The following MYO9A variants were observed in gnomAD, a reference collection of about 807,000 sequenced individuals.
MYO9A encodes myosin IXA.
In MYO9A, 103 loss-of-function variants were observed where a neutral mutation model predicts 293.3. The observed-to-expected ratio is 0.35, with a 90% CI of 0.30 to 0.41. The LOEUF (loss-of-function observed/expected upper bound fraction) is 0.41. MYO9A is among the 10% of genes least tolerant of loss of function. The probability of loss-of-function intolerance (pLI) is 1.00; values close to 1 mark genes in which losing one functional copy is unlikely to be tolerated. For synonymous variants in MYO9A, 1,001 were observed against 1,035.7 expected (o/e 0.97, Z 0.64); for missense variants, 2,685 against 3,033.0 (o/e 0.89, Z 2.69).
At chr15:71,860,614 C>T (rs1037683172) in intron 33 of MYO9A, among the ~76,000 whole-genome samples, 2 of 152,126 alleles carry the variant, frequency 1.3e-5, no homozygotes, top group African/African-American at 2.4e-5. Context: ...GAGGCCATGT[C>T]ATTGTACTGG....
chr15:72,069,376 G>C (rs940862499), intron 1 of MYO9A, among the ~76,000 whole-genome samples: 1 of 152,232 alleles, frequency 6.6e-6, no homozygotes, highest in South Asian at 2.1e-4. Context: ...ATATAGGCTT[G>C]TTAAGGGTAG....
intron 1 of MYO9A, among the ~76,000 whole-genome samples, chr15:72,053,751 T>C (rs775617148): frequency 2.0e-5 from 3 of 152,164 alleles, no homozygotes; most frequent in Non-Finnish European, 2.9e-5. Context: ...ACCAAACCCC[T>C]GAAACACACA....
chr15:71,900,112 G>A, intron 23 of MYO9A, 106 bp from the exon 24 acceptor site: 1 of 1,124,468 alleles, frequency 8.9e-7, no homozygotes, highest in Non-Finnish European at 1.2e-6. Flanking sequence ...AGGTTAAGTG[G>A]CTATGCAGCT....
chr15:72,019,522 A>G (rs2077438408), intron 5 of MYO9A, among the ~76,000 whole-genome samples: 1 of 152,192 alleles, frequency 6.6e-6, no homozygotes. Context: ...TAAACTGGGG[A>G]GGAAAAAACT....
At chr15:71,927,485 A>G (rs920936559) in intron 18 of MYO9A, among the ~76,000 whole-genome samples, 11 of 152,146 alleles carry the variant, frequency 7.2e-5, no homozygotes, top group African/African-American at 2.7e-4. Flanking sequence ...TTGTCCCTCA[A>G]TATCCATGGG....
intron 6 of MYO9A, among the ~76,000 whole-genome samples, chr15:72,016,023 C>T (rs891633591): frequency 9.2e-5 from 14 of 151,894 alleles, no homozygotes; most frequent in African/African-American, 3.4e-4. Context: ...CAGACATCAG[C>T]CAACATATTA....
At position 71,875,844 on chromosome 15, in the gene MYO9A, A is replaced by AG; in HGVS notation, c.5932-7dup. ...TTTCTTTCTGTTTTTGGCACCTGAC[A>AG]GGGGGACAGGAGATATATGGAAATT... On this transcript the variant is annotated splice_polypyrimidine_tract_variant and splice_region_variant and intron_variant, in intron 31 of 41. Transcript: ENST00000356056. 1 of 1,367,890 alleles carries AG rather than the reference A, an allele frequency of 7.3e-7. No individual in the cohort carries two copies. The highest frequency in any genetic ancestry group is 9.5e-7 in the Non-Finnish European group (1 of 1,052,256). The allele number at this position is 1,367,890 out of a possible 1,614,324, so 84.7% of individuals were successfully genotyped here.
At chr15:71,827,741 G>C (rs2054565995) in intron 41 of MYO9A, 143 bp downstream of exon 41, 2 of 930,360 alleles carry the variant, frequency 2.1e-6, no homozygotes, top group Non-Finnish European at 1.6e-6. Context: ...AAATTATATG[G>C]ATAAAAGGAC....
At position 71,897,623 on chromosome 15, in the gene MYO9A, C is replaced by T; in HGVS notation, c.4880G>A (p.Gly1627Asp). Residue 1627 changes from glycine (G) to aspartate (D), a missense_variant, in exon 25 of 42, where the codon GGC becomes GAC. By Grantham distance (94) the Gly-to-Asp change is moderately conservative. Around this residue, in one of 10 missense-constraint regions of MYO9A, gnomAD observed 1,434 missense variants for 1,497.7 expected, o/e 0.96. Transcript: ENST00000356056. ...TTTACAGGCTACATTCAGCTGGGTGCCCATTCTGTCTGTCTTGGATAATTC... is the reference window on the plus strand; with the variant it reads ...TTTACAGGCTACATTCAGCTGGGTGTCCATTCTGTCTGTCTTGGATAATTC... ...VKELSKTDRMGTQLNVACKLS... is the reference protein window; with the variant it reads ...VKELSKTDRMDTQLNVACKLS... 1.2e-6 allele frequency: 2 copies of T among 1,614,078 alleles called. No individual in the cohort carries two copies. The highest frequency in any genetic ancestry group is 1.1e-5 in the South Asian group (1 of 91,066).
chr15:72,062,519 A>G (rs550688263), intron 1 of MYO9A, among the ~76,000 whole-genome samples: 1 of 152,348 alleles, frequency 6.6e-6, no homozygotes, highest in East Asian at 1.9e-4. Flanking sequence ...TTTAGAAATC[A>G]AACAGAAATT....
intron 10 of MYO9A, 43 bp from the exon 11 acceptor site, chr15:71,991,280 T>C: frequency 6.8e-7 from 1 of 1,466,584 alleles, no homozygotes; most frequent in African/African-American, 1.4e-5. Flanking sequence ...AATGTTTAAA[T>C]TTATTTAATG....
chr15:71,937,983 C>T (rs1266804427), intron 16 of MYO9A, among the ~76,000 whole-genome samples: 6 of 152,006 alleles, frequency 3.9e-5, no homozygotes, highest in Admixed American at 1.3e-4. Flanking sequence ...AAAGGACATA[C>T]AATATAAAGA....
Position 71,916,409 on chromosome 15 carries a change from G to T in MYO9A, c.2646C>A (p.His882Gln). The T allele has an allele frequency of 1.2e-6, 2 of 1,613,026 alleles. No individual in the cohort carries two copies. The highest frequency in any genetic ancestry group is 1.7e-6 in the Non-Finnish European group (2 of 1,179,576). ...TGATGCTGGGAGGTTTTTTCTTCTT[G>T]TGTAAATGAAGAAGAGACTTGGTAA... ...DRITKSLLHL[H>Q]KKKKPPSISA... is the part of the protein sequence containing the mutation. The change falls in exon 19 of 42, where the codon CAC becomes CAA. Residue 882 changes from histidine (H) to glutamine (Q), a missense_variant. Around this residue, in one of 10 missense-constraint regions of MYO9A, gnomAD observed 1,434 missense variants for 1,497.7 expected, o/e 0.96. Transcript: ENST00000356056.
chr15:71,898,002 G>C lies in MYO9A; in HGVS notation c.4501C>G (p.Gln1501Glu). 6.2e-7 allele frequency: 1 copy of C among 1,614,010 alleles called. No homozygotes were observed. Among genetic ancestry groups the C allele is most frequent in the Non-Finnish European group, 8.5e-7 (1 of 1,180,008 alleles). Residue 1501 changes from glutamine to glutamate, a missense_variant, in exon 25 of 42, where the codon CAA (glutamine) becomes GAA (glutamate). Transcript: ENST00000356056. ...EKLNTEKEER[Q>E]KQLQQQNEKE... ...TCATTCTGTTGCTGCAACTGTTTTTGCCTTTCTTCCTTCTCAGTGTTTAGC... is the reference window on the plus strand; with the variant it reads ...TCATTCTGTTGCTGCAACTGTTTTTCCCTTTCTTCCTTCTCAGTGTTTAGC...
rs1425246416 is a variant in MYO9A, at chr15:71,823,338, G to A, written c.*3242C>T. 4.6e-5 allele frequency: 7 copies of A among 152,144 alleles called. No individual in the cohort carries two copies. Among genetic ancestry groups the A allele is most frequent in the African/African-American group, 1.7e-4 (7 of 41,438 alleles). The allele number at this position is 152,144 out of a possible 1,614,324, so 9.4% of individuals were successfully genotyped here. A position where few individuals can be genotyped will look rare whatever the true frequency, so the allele number is the denominator to read the frequency against. The stretch of plus-strand genomic sequence containing the variant: ...CTCTGTTTTTGATGGAGAAAACAAC[G>A]CTACTGTTATGAAACACAGAATGGA... On this transcript the variant is annotated 3_prime_UTR_variant, in exon 42 of 42. Coordinates refer to ENST00000356056, the MANE Select transcript of MYO9A (RefSeq NM_006901.4).
rs576336669 is a variant in MYO9A, at chr15:71,921,330, C to G, written c.2563-4838G>C. Among the ~76,000 whole-genome samples the G allele has an allele frequency of 2.6e-5, 4 of 152,334 alleles. No homozygotes were observed. The East Asian group carries it at 7.7e-4, about 29-fold the overall frequency. Reference sequence around the variant, plus strand: ...CCAAAAGGGAAGAGCTGTGTGTCATCTCAGAGTCATAGTTGTACAAACTAA... The same window carrying G: ...CCAAAAGGGAAGAGCTGTGTGTCATGTCAGAGTCATAGTTGTACAAACTAA... On this transcript the variant is annotated intron_variant, in intron 18 of 41. Coordinates refer to ENST00000356056, the MANE Select transcript of MYO9A (RefSeq NM_006901.4).
Position 71,854,457 on chromosome 15 carries a change from T to C in MYO9A, c.6266A>G (p.His2089Arg). ...ATAAATACCTTCTGTATACAGTCCA[T>C]GCATTTCAATGTAGTTTATGAGCTT... ...VEKLINYIEM[H>R]GLYTEGIYRK... The change falls in exon 35 of 42, where the codon CAT (histidine) becomes CGT (arginine). Residue 2089 changes from histidine (H) to arginine (R), a missense_variant. Physicochemically the swap from His to Arg is conservative, Grantham distance 29. Transcript: ENST00000356056. 2 of 1,613,738 alleles carry C rather than the reference T, an allele frequency of 1.2e-6. No individual in the cohort carries two copies. Among genetic ancestry groups the C allele is most frequent in the African/African-American group, 1.3e-5 (1 of 75,040 alleles).
At chr15:71,919,997 T>C (rs1487005260) in intron 18 of MYO9A, among the ~76,000 whole-genome samples, 1 of 152,138 alleles carries the variant, frequency 6.6e-6, no homozygotes, top group East Asian at 1.9e-4. Flanking sequence ...CTGTTGTAAG[T>C]GCTAAGGATA....
intron 18 of MYO9A, among the ~76,000 whole-genome samples, chr15:71,925,532 T>C (rs1227890460): frequency 6.6e-6 from 1 of 152,056 alleles, no homozygotes; most frequent in African/African-American, 2.4e-5. Context: ...TTTAATTCTT[T>C]TCTCTTTCTT....
Sources: gnomAD v4.1 joint callset for allele counts (sites outside exome capture counted in the v4.1 genomes callset) on GRCh38, gnomAD v4.1.1 for gene constraint, gnomAD v4.1.1 regional missense constraint, MANE v1.5 for transcripts, NCBI Gene and HGNC (gene_info 2026-07-23, HGNC 2026-07-21) for gene names.